Variants in CDH18 observed in about 807,000 individuals in gnomAD.
CDH18 encodes cadherin 18.
A neutral mutation model predicts 67.9 loss-of-function variants in CDH18; 31 were observed. The ratio of observed to expected loss-of-function variants is 0.46; its 90% CI spans 0.34 to 0.62. The LOEUF (loss-of-function observed/expected upper bound fraction) is 0.62, where lower values mean the gene tolerates loss of function less well. Ranked by LOEUF, CDH18 falls within the 20% of genes least tolerant of loss-of-function variation. The pLI, the probability that CDH18 is intolerant of heterozygous loss-of-function variation, is 0.01. For synonymous variants in CDH18, 362 were observed against 347.2 expected (o/e 1.04, Z -0.48); for missense variants, 890 against 975.5 (o/e 0.91, Z 1.17).
At position 19,946,018 on chromosome 5, in the gene CDH18, C is replaced by T. The variant is rs79240388; in HGVS notation, c.-257+35042G>A. Among the ~76,000 whole-genome samples, 1,418 of 152,042 alleles carry T rather than the reference C, an allele frequency of 9.3e-3. 25 individuals carry two copies. Among genetic ancestry groups the T allele is most frequent in the African/African-American group, 0.032 (1,335 of 41,480 alleles). On this transcript the variant is annotated intron_variant, in intron 2 of 12. Transcript: ENST00000382275. Reference sequence around the variant, plus strand: ...ACATCAAGAAAGGGAAAGAAGCTCACACAGGATAAAACCAAAAGATACCCA... The same window carrying T: ...ACATCAAGAAAGGGAAAGAAGCTCATACAGGATAAAACCAAAAGATACCCA...
At chr5:19,572,653 CAT>C (rs1741639268) in intron 7 of CDH18, among the ~76,000 whole-genome samples, 3 of 152,142 alleles carry the variant, frequency 2.0e-5, no homozygotes, top group Non-Finnish European at 2.9e-5. Context: ...ACAGAGAAAC[CAT>C]CTCTCCCTTG....
At chr5:20,169,200 C>A (rs1183801439) in intron 2 of CDH18, among the ~76,000 whole-genome samples, 1 of 152,038 alleles carries the variant, frequency 6.6e-6, no homozygotes, top group African/African-American at 2.4e-5. Context: ...TCTCCATGAT[C>A]TGATTATTTC....
At chr5:20,438,783 A>T (rs1021430213) in intron 1 of CDH18, among the ~76,000 whole-genome samples, 1 of 151,462 alleles carries the variant, frequency 6.6e-6, no homozygotes, top group African/African-American at 2.4e-5. Context: ...TTTCTATCCC[A>T]GTCTTTCCAC....
At chr5:20,158,378 G>C (rs1252065275) in intron 2 of CDH18, among the ~76,000 whole-genome samples, 1 of 152,024 alleles carries the variant, frequency 6.6e-6, no homozygotes, top group Non-Finnish European at 1.5e-5. Context: ...AGTCTTTGTT[G>C]AGAACTGTTT....
Position 19,559,925 on chromosome 5 carries a change from C to CAAA in CDH18, c.1253+11651_1253+11653dup, listed in dbSNP as rs766058553. Among the ~76,000 whole-genome samples, 524 of 145,362 alleles carry CAAA rather than the reference C, an allele frequency of 3.6e-3. 6 individuals are homozygous for CAAA. Among genetic ancestry groups the CAAA allele is most frequent in the African/African-American group, 0.012 (453 of 38,844 alleles). ...CCTTTATAATAGTTGCAAAAACAAA[C>CAAA]AAAAAAAAAACTCAGGAATATATTT... On this transcript the variant is annotated intron_variant, in intron 8 of 12. Transcript: ENST00000382275.
chr5:20,266,119 C>T (rs3925240), intron 1 of CDH18, among the ~76,000 whole-genome samples: 16,599 of 152,118 alleles, frequency 0.11, 1,473 homozygotes, highest in African/African-American at 0.24. Context: ...GGGTTTATAC[C>T]GGAACAATAC....
At chr5:19,500,838 G>A (rs1743108513) in intron 11 of CDH18, among the ~76,000 whole-genome samples, 1 of 151,942 alleles carries the variant, frequency 6.6e-6, no homozygotes. Context: ...CAAATATAAT[G>A]GGTAATTAGC....
chr5:19,719,868 AAGAG>A lies in CDH18; in HGVS notation c.643+1475_643+1478del, dbSNP rs1160946420. Among the ~76,000 whole-genome samples the A allele has an allele frequency of 6.0e-5, 9 of 150,534 alleles. 1 individual carries two copies. The highest frequency in any genetic ancestry group is 2.1e-4 in the South Asian group (1 of 4,778). On this transcript the variant is annotated intron_variant, in intron 5 of 12. Transcript: ENST00000382275. ...GTAAAAGAAAGAGAGAAAGAAAGAAAAGAGAGAGAGAGAAAGAAAGAAAGAGTTA... is the reference window on the plus strand; with the variant it reads ...GTAAAAGAAAGAGAGAAAGAAAGAAAAGAGAGAGAAAGAAAGAAAGAGTTA...
At chr5:19,715,350 T>C (rs1765215488) in intron 5 of CDH18, among the ~76,000 whole-genome samples, 1 of 152,190 alleles carries the variant, frequency 6.6e-6, no homozygotes, top group Non-Finnish European at 1.5e-5. Context: ...TTCATTTTTA[T>C]AGCTGATTGA....
intron 3 of CDH18, among the ~76,000 whole-genome samples, chr5:19,751,108 C>T (rs969284844): frequency 1.3e-5 from 2 of 152,080 alleles, no homozygotes; most frequent in Non-Finnish European, 2.9e-5. Context: ...TAAGTAGTAA[C>T]CTATGGCACT....
At chr5:20,281,367 C>A (rs2126700840) in intron 1 of CDH18, among the ~76,000 whole-genome samples, 1 of 152,220 alleles carries the variant, frequency 6.6e-6, no homozygotes, top group South Asian at 2.1e-4. Flanking sequence ...TTTAATCCAT[C>A]TTGAATTAAT....
intron 1 of CDH18, among the ~76,000 whole-genome samples, chr5:20,268,222 T>C (rs1481072612): frequency 1.3e-5 from 2 of 152,224 alleles, no homozygotes; most frequent in East Asian, 1.9e-4. Context: ...GTTGCTTCCA[T>C]GTCTTTGCTA....
At chr5:20,566,789 T>C (rs184203201) in intron 1 of CDH18, among the ~76,000 whole-genome samples, 166 of 152,254 alleles carry the variant, frequency 1.1e-3, no homozygotes, top group Non-Finnish European at 1.4e-3. Flanking sequence ...CATCTTATAG[T>C]CTTGTAATCA....
At chr5:20,212,611 G>C (rs1740438081) in intron 2 of CDH18, among the ~76,000 whole-genome samples, 3 of 151,740 alleles carry the variant, frequency 2.0e-5, no homozygotes. Context: ...AAGAGCGTGG[G>C]GGCCAATATT....
chr5:19,826,763 C>T (rs1219909638), intron 3 of CDH18, among the ~76,000 whole-genome samples: 1 of 152,068 alleles, frequency 6.6e-6, no homozygotes, highest in African/African-American at 2.4e-5. Context: ...ATACCATTAC[C>T]AGCCAGAACA....
At chr5:20,555,298 C>G (rs755229937) in intron 1 of CDH18, among the ~76,000 whole-genome samples, 4 of 151,964 alleles carry the variant, frequency 2.6e-5, no homozygotes, top group Non-Finnish European at 4.4e-5. Flanking sequence ...AACTTCCCAG[C>G]CTGCAGAACT....
chr5:20,368,946 A>G (rs1742746827), intron 1 of CDH18, among the ~76,000 whole-genome samples: 1 of 152,212 alleles, frequency 6.6e-6, no homozygotes, highest in South Asian at 2.1e-4. Flanking sequence ...AACAAAGTCC[A>G]TATTCAGTAA....
intron 1 of CDH18, among the ~76,000 whole-genome samples, chr5:20,418,563 A>G (rs867751268): frequency 1.3e-5 from 2 of 152,044 alleles, no homozygotes; most frequent in Non-Finnish European, 2.9e-5. Flanking sequence ...TAGGAATTCT[A>G]AGTCAAACAT....
chr5:19,481,351 A>T (rs1739389152), intron 12 of CDH18, among the ~76,000 whole-genome samples: 1 of 152,178 alleles, frequency 6.6e-6, no homozygotes, highest in Admixed American at 6.5e-5. Flanking sequence ...TCATGCAGGT[A>T]TCTACATTAT....
Sources: gnomAD v4.1 joint callset for allele counts (sites outside exome capture counted in the v4.1 genomes callset) on GRCh38, gnomAD v4.1.1 for gene constraint, MANE v1.5 for transcripts, NCBI Gene and HGNC (gene_info 2026-07-23, HGNC 2026-07-21) for gene names.